The following NRXN1 variants were observed in gnomAD, a reference collection of about 807,000 sequenced individuals.
NRXN1 encodes neurexin 1, also known as neurexin-1.
A neutral mutation model predicts 150.9 loss-of-function variants in NRXN1; 39 were observed. The observed-to-expected ratio is 0.26, with a 90% CI of 0.20 to 0.34. The LOEUF is 0.34. Ranked by LOEUF, NRXN1 falls within the 10% of genes least tolerant of loss-of-function variation. NRXN1 has a pLI of 1.00. For synonymous variants in NRXN1, 924 were observed against 757.0 expected, an observed-to-expected ratio of 1.22 and a Z score of -3.62; for missense variants, 1,815 against 1,949.9, an observed-to-expected ratio of 0.93 and a Z score of 1.30.
At chr2:50,398,796 A>C (rs1251039109) in intron 17 of NRXN1, among the ~76,000 whole-genome samples, 3 of 152,276 alleles carry the variant, frequency 2.0e-5, no homozygotes, top group African/African-American at 7.2e-5. Context: ...TCATTTCTAG[A>C]GTTCCACTAT....
chr2:50,336,285 C>T (rs1020727127), intron 17 of NRXN1, among the ~76,000 whole-genome samples: 13 of 152,066 alleles, frequency 8.5e-5, no homozygotes, highest in Non-Finnish European at 1.5e-4. Flanking sequence ...AAGAATTTAC[C>T]ATCCTTTCTG....
At chr2:50,687,509 C>T (rs1168834938) in intron 5 of NRXN1, among the ~76,000 whole-genome samples, 1 of 152,166 alleles carries the variant, frequency 6.6e-6, no homozygotes, top group African/African-American at 2.4e-5. Context: ...TTGGCTGTCA[C>T]TGTGTCTCTT....
intron 19 of NRXN1, among the ~76,000 whole-genome samples, chr2:50,089,708 T>G (rs1388368691): frequency 6.6e-6 from 1 of 151,724 alleles, no homozygotes; most frequent in African/African-American, 2.4e-5. Flanking sequence ...GAGGATCCTG[T>G]GAGCCCAGGA....
chr2:50,523,749 T>C (rs975429024), intron 12 of NRXN1, among the ~76,000 whole-genome samples: 1 of 152,202 alleles, frequency 6.6e-6, no homozygotes, highest in Non-Finnish European at 1.5e-5. Flanking sequence ...TTCTTCCCTA[T>C]ACCCAAGTCA....
At chr2:50,907,091 G>C (rs1003966424) in intron 5 of NRXN1, among the ~76,000 whole-genome samples, 2 of 151,144 alleles carry the variant, frequency 1.3e-5, no homozygotes, top group Non-Finnish European at 2.9e-5. Flanking sequence ...ATGTAGAAAG[G>C]TCACTCTCTC....
At chr2:50,147,546 G>C (rs990143929) in intron 18 of NRXN1, among the ~76,000 whole-genome samples, 5 of 151,674 alleles carry the variant, frequency 3.3e-5, no homozygotes, top group African/African-American at 1.2e-4. Context: ...CTGCAGACGA[G>C]GTGATTCTTT....
intron 12 of NRXN1, among the ~76,000 whole-genome samples, chr2:50,525,701 C>T (rs2092932992): frequency 6.6e-6 from 1 of 152,194 alleles, no homozygotes; most frequent in Non-Finnish European, 1.5e-5. Flanking sequence ...TTCAGAGAGA[C>T]AGCTTTTTAA....
At chr2:50,145,103 A>AT (rs1707816901) in intron 18 of NRXN1, among the ~76,000 whole-genome samples, 1 of 151,694 alleles carries the variant, frequency 6.6e-6, no homozygotes, top group Admixed American at 6.6e-5. Flanking sequence ...ATAAAAGCAT[A>AT]TTTTTAGTAT....
chr2:50,243,726 A>C (rs2066245517), intron 17 of NRXN1, among the ~76,000 whole-genome samples: 1 of 151,818 alleles, frequency 6.6e-6, no homozygotes, highest in Non-Finnish European at 1.5e-5. Flanking sequence ...CAAATTTTTA[A>C]GGGGATCAGA....
intron 5 of NRXN1, among the ~76,000 whole-genome samples, chr2:50,915,121 T>C (rs193021368): frequency 1.3e-5 from 2 of 151,686 alleles, no homozygotes; most frequent in African/African-American, 4.8e-5. Flanking sequence ...CTCCTTAACA[T>C]TTTTAGCAAA....
intron 18 of NRXN1, among the ~76,000 whole-genome samples, chr2:50,114,344 G>T (rs1461563117): frequency 1.3e-5 from 2 of 152,050 alleles, no homozygotes; most frequent in Non-Finnish European, 2.9e-5. Context: ...CCAAAACCTG[G>T]GACACTGACA....
intron 8 of NRXN1, among the ~76,000 whole-genome samples, chr2:50,576,414 T>A (rs1247045546): frequency 2.0e-5 from 3 of 152,146 alleles, no homozygotes; most frequent in African/African-American, 4.8e-5. Context: ...CTATAATTCC[T>A]TTTTATAGTT....
chr2:50,069,586 T>G (rs58431608), intron 19 of NRXN1, among the ~76,000 whole-genome samples: 1,834 of 152,308 alleles, frequency 0.012, 47 homozygotes, highest in African/African-American at 0.042. Context: ...AAAACTAACT[T>G]ATGGTGCCTT....
chr2:50,595,473 C>T (rs944327207), intron 8 of NRXN1, among the ~76,000 whole-genome samples: 1 of 151,854 alleles, frequency 6.6e-6, no homozygotes, highest in Non-Finnish European at 1.5e-5. Flanking sequence ...TTGACCCTTC[C>T]CCTCTACCTT....
chr2:50,481,163 C>G (rs1311441219), intron 15 of NRXN1, among the ~76,000 whole-genome samples: 2 of 152,166 alleles, frequency 1.3e-5, no homozygotes, highest in African/African-American at 2.4e-5. Flanking sequence ...GTCCGTTAAT[C>G]CAGACTGACA....
At chr2:50,813,623 A>G (rs556005495) in intron 5 of NRXN1, among the ~76,000 whole-genome samples, 50 of 152,336 alleles carry the variant, frequency 3.3e-4, no homozygotes, top group African/African-American at 1.2e-3. Context: ...AAAAGAAAAT[A>G]AGGTTTCAAA....
chr2:50,696,630 TG>T (rs2104925457), intron 5 of NRXN1, among the ~76,000 whole-genome samples: 1 of 152,302 alleles, frequency 6.6e-6, no homozygotes, highest in African/African-American at 2.4e-5. Flanking sequence ...ATCTTGCAAC[TG>T]TCAAAGCAGC....
chr2:50,748,512 C>T (rs562578693), intron 5 of NRXN1, among the ~76,000 whole-genome samples: 1 of 152,170 alleles, frequency 6.6e-6, no homozygotes, highest in East Asian at 1.9e-4. Flanking sequence ...ATTAATTAAT[C>T]CCCATAAGCA....
chr2:50,863,285 T>G (rs763601421), intron 5 of NRXN1, among the ~76,000 whole-genome samples: 4 of 152,066 alleles, frequency 2.6e-5, no homozygotes, highest in Non-Finnish European at 5.9e-5. Flanking sequence ...AGAGCTCTAG[T>G]TTTCTTATGT....
Sources: gnomAD v4.1 joint callset for allele counts (sites outside exome capture counted in the v4.1 genomes callset) on GRCh38, gnomAD v4.1.1 for gene constraint, MANE v1.5 for transcripts, NCBI Gene and HGNC (gene_info 2026-07-23, HGNC 2026-07-21) for gene names.